Variants in PHTF1 observed in about 807,000 individuals in gnomAD.
PHTF1 encodes putative homeodomain transcription factor 1.
PHTF1 carries 88 observed loss-of-function variants against 102.4 expected under a neutral mutation model. The ratio of observed to expected loss-of-function variants is 0.86; its 90% CI spans 0.72 to 1.03. The LOEUF (loss-of-function observed/expected upper bound fraction) is 1.03, where lower values mean the gene tolerates loss of function less well. Among genes scored for constraint, PHTF1 ranks in the 50% least tolerant of loss-of-function variants. PHTF1 has a pLI of 0.00. For synonymous variants in PHTF1, 289 were observed against 305.2 expected (o/e 0.95, Z 0.55); for missense variants, 814 against 909.5 (o/e 0.89, Z 1.35).
intron 12 of PHTF1, 80 bp from the exon 13 acceptor site, chr1:113,706,242 AGACT>A: frequency 8.5e-7 from 1 of 1,180,356 alleles, no homozygotes; most frequent in Non-Finnish European, 1.2e-6. Context: ...AACACTATTT[AGACT>A]ATTAAAAACA....
chr1:113,714,945 G>C (rs1188017504), intron 7 of PHTF1: 2 of 152,270 alleles, frequency 1.3e-5, no homozygotes, highest in African/African-American at 4.8e-5. Context: ...GACTCCATTT[G>C]TTTGGGAGAA....
intron 5 of PHTF1, 62 bp downstream of exon 5, chr1:113,738,048 T>C: frequency 8.3e-7 from 1 of 1,209,174 alleles, no homozygotes; most frequent in Non-Finnish European, 1.2e-6. Flanking sequence ...TAGGTCTTCA[T>C]TATTTAATAG....
rs1423145799 is a variant in PHTF1 at position 113,759,031 on chromosome 1, C to G, written c.-39G>C. Reference sequence around the variant, plus strand: ...CCGCGTCCGGCTCTCACCTAGTGCCCGTTGCCCCGCGGGCCGGCGCCCGGG... The same window carrying G: ...CCGCGTCCGGCTCTCACCTAGTGCCGGTTGCCCCGCGGGCCGGCGCCCGGG... On this transcript the variant is annotated 5_prime_UTR_variant, in exon 1 of 19. Coordinates refer to ENST00000369604, the MANE Select transcript of PHTF1 (RefSeq NM_001323043.2). 6 of 1,027,784 alleles carry G rather than the reference C, an allele frequency of 5.8e-6. No individual in the cohort carries two copies. In the East Asian group the frequency reaches 5.2e-4, roughly 90 times the overall value. 63.7% of individuals were successfully genotyped at this position (1,027,784 alleles called of 1,614,324 possible).
intron 8 of PHTF1, among the ~76,000 whole-genome samples, chr1:113,712,441 T>TA (rs1651274336): frequency 6.6e-6 from 1 of 152,192 alleles, no homozygotes; most frequent in South Asian, 2.1e-4. Flanking sequence ...TTCCCTCATC[T>TA]AAAAAGAAAT....
At position 113,738,238 on chromosome 1, in the gene PHTF1, A is replaced by C. The variant is rs771330529; in HGVS notation, c.203T>G (p.Ile68Ser). The C allele has an allele frequency of 6.2e-7, 1 of 1,613,968 alleles. No individual in the cohort carries two copies. The highest frequency in any genetic ancestry group is 8.5e-7 in the Non-Finnish European group (1 of 1,179,912). The change falls in exon 5 of 19, where the codon ATT becomes AGT. Residue 68 changes from isoleucine to serine, a missense_variant. By Grantham distance (142) the Ile-to-Ser change is moderately radical (BLOSUM62 -2). Coordinates refer to ENST00000369604, the MANE Select transcript of PHTF1 (RefSeq NM_001323043.2). ...CTTCCGAGTCAGAGATGTCCATGGA[A>C]TTTCAGGTTTTGCTTTGGCAAATGT... Reference protein sequence around the residue: ...GSTFAKAKPEIPWTSLTRKGL... With the variant: ...GSTFAKAKPESPWTSLTRKGL...
At chr1:113,713,489 T>C (rs1164157338) in intron 7 of PHTF1, 51 bp from the exon 8 acceptor site, 1 of 936,532 alleles carries the variant, frequency 1.1e-6, no homozygotes, top group African/African-American at 1.7e-5. Context: ...GTAACACCTT[T>C]CATGAAACCA....
chr1:113,706,110 G>C lies in PHTF1; in HGVS notation c.1451C>G (p.Thr484Ser). The C allele has an allele frequency of 6.2e-7, 1 of 1,613,868 alleles. No homozygotes were observed. Among genetic ancestry groups the C allele is most frequent in the Admixed American group, 1.7e-5 (1 of 60,008 alleles). ...VGYQMLGNVV[T>S]IGLAFFPFLH... ...GAATGGAAAAAATGCTAATCCAATA[G>C]TGACAACATTTCCCAGCATCTGATA... Residue 484 changes from threonine (T) to serine (S), a missense_variant, in exon 13 of 19, where the codon ACT becomes AGT. Thr to Ser is a moderately conservative substitution (Grantham distance 58). Coordinates refer to ENST00000369604, the MANE Select transcript of PHTF1 (RefSeq NM_001323043.2).
At chr1:113,697,750 A>C (rs1648950183) in intron 18 of PHTF1, 25 bp from the exon 19 acceptor site, 1 of 1,584,932 alleles carries the variant, frequency 6.3e-7, no homozygotes, top group Non-Finnish European at 8.7e-7. Flanking sequence ...TCACCAAAAT[A>C]AGTTAGTTCT....
rs567868630 is a variant in PHTF1, at chr1:113,753,118, C to T, written c.102+4581G>A. Among the ~76,000 whole-genome samples, 8 of 152,306 alleles carry T rather than the reference C, an allele frequency of 5.3e-5. No individual in the cohort carries two copies. The South Asian group carries it at 1.7e-3, about 32-fold the overall frequency. ...AAATTAATGCATTCCCAGGATAACT[C>T]CCACTTGGTCATAGTAGATAAGCCA... On this transcript the variant is annotated intron_variant, in intron 3 of 18. Transcript: ENST00000369604.
intron 3 of PHTF1, among the ~76,000 whole-genome samples, chr1:113,750,718 T>C (rs1657938138): frequency 6.6e-6 from 1 of 151,812 alleles, no homozygotes; most frequent in Non-Finnish European, 1.5e-5. Context: ...TAGCTGGGCA[T>C]GGTGGCGTGC....
At chr1:113,754,410 C>CAAAA (rs199692959) in intron 3 of PHTF1, among the ~76,000 whole-genome samples, 1 of 128,248 alleles carries the variant, frequency 7.8e-6, no homozygotes. Flanking sequence ...GACCCTGTCT[C>CAAAA]AAAAAAAAAA....
intron 3 of PHTF1, among the ~76,000 whole-genome samples, chr1:113,751,990 C>A (rs1294532894): frequency 6.6e-6 from 1 of 152,186 alleles, no homozygotes; most frequent in African/African-American, 2.4e-5. Context: ...TATTCTACAT[C>A]CTTTGTATTA....
intron 7 of PHTF1, among the ~76,000 whole-genome samples, chr1:113,721,554 G>C (rs1487939243): frequency 6.6e-6 from 1 of 152,132 alleles, no homozygotes; most frequent in East Asian, 1.9e-4. Flanking sequence ...AATTGGAAAA[G>C]AAGAATTCAA....
Position 113,752,323 on chromosome 1 carries a change from C to T in PHTF1, c.102+5376G>A, listed in dbSNP as rs188719089. On this transcript the variant is annotated intron_variant, in intron 3 of 18. Transcript: ENST00000369604. Reference sequence around the variant, plus strand: ...TATTCATTGTTGGTATATAGAAATACAACTGATTTTTGTGTACTGATCTTG... The same window carrying T: ...TATTCATTGTTGGTATATAGAAATATAACTGATTTTTGTGTACTGATCTTG... Among the ~76,000 whole-genome samples the T allele has an allele frequency of 1.3e-4, 19 of 146,330 alleles. No individual in the cohort carries two copies. In the Admixed American group the frequency reaches 1.3e-3, roughly 10 times the overall value.
chr1:113,758,250 A>T, intron 2 of PHTF1, among the ~76,000 whole-genome samples: 1 of 151,546 alleles, frequency 6.6e-6, no homozygotes, highest in Non-Finnish European at 1.5e-5. Context: ...AAAAAAAAAA[A>T]AAAAATCCAC....
chr1:113,754,465 G>A (rs1658555516), intron 3 of PHTF1, among the ~76,000 whole-genome samples: 1 of 152,008 alleles, frequency 6.6e-6, no homozygotes, highest in Admixed American at 6.6e-5. Context: ...GGCATAGCTA[G>A]TGTCTGCCAC....
intron 3 of PHTF1, among the ~76,000 whole-genome samples, chr1:113,741,594 CAAT>C (rs1656366319): frequency 6.6e-6 from 1 of 152,174 alleles, no homozygotes. Context: ...TTTTCTCCAA[CAAT>C]GTTACAGAGT....
chr1:113,728,966 C>A (rs1211068289), intron 5 of PHTF1, among the ~76,000 whole-genome samples: 1 of 152,124 alleles, frequency 6.6e-6, no homozygotes. Flanking sequence ...CAAAGAGTCA[C>A]TCCCACATTT....
chr1:113,698,261 CTCTTA>C lies in PHTF1; in HGVS notation c.2264_2268del (p.Ile755ThrfsTer5). On this transcript the variant is annotated frameshift_variant and splice_region_variant, in exon 18 of 19. Transcript: ENST00000369604. LOFTEE classifies it high-confidence loss of function. ...TGCTACAGAGTGGTGGTGATACTTA[CTCTTA>C]TATTAAATCCTAGAAGATCACTTAT... 6.2e-7 allele frequency: 1 copy of C among 1,601,916 alleles called. No homozygotes were observed. Among genetic ancestry groups the C allele is most frequent in the Non-Finnish European group, 8.5e-7 (1 of 1,170,950 alleles).
Sources: allele counts gnomAD v4.1 joint callset (sites outside exome capture counted in the v4.1 genomes callset), GRCh38; gene constraint gnomAD v4.1.1; transcripts MANE v1.5; gene names NCBI Gene and HGNC (gene_info 2026-07-23, HGNC 2026-07-21).